The following GAS7 variants were observed in gnomAD, a reference collection of about 807,000 sequenced individuals.
The protein encoded by GAS7 is growth arrest specific 7.
GAS7 carries 28 observed loss-of-function variants against 71.1 expected under a neutral mutation model. The ratio of observed to expected loss-of-function variants is 0.39; its 90% confidence interval spans 0.29 to 0.54. The LOEUF is 0.54. Among genes scored for constraint, GAS7 ranks in the 20% least tolerant of loss-of-function variants. The pLI, the probability that GAS7 is intolerant of heterozygous loss-of-function variation, is 0.62. For missense variants in GAS7, 436 were observed against 627.8 expected (o/e 0.69, Z 3.27); for synonymous variants, 258 against 245.8 (o/e 1.05, Z -0.46).
At chr17:10,182,294 G>A (rs920597162) in intron 1 of GAS7, among the ~76,000 whole-genome samples, 2 of 151,864 alleles carry the variant, frequency 1.3e-5, no homozygotes, top group African/African-American at 2.4e-5. Flanking sequence ...CGAGTAGCTG[G>A]GATTACAGGC....
intron 4 of GAS7, among the ~76,000 whole-genome samples, chr17:9,960,111 C>T (rs1443531949): frequency 6.6e-6 from 1 of 152,158 alleles, no homozygotes; most frequent in African/African-American, 2.4e-5. Flanking sequence ...AGCCACACAG[C>T]AACCTGGGAA....
intron 4 of GAS7, among the ~76,000 whole-genome samples, chr17:9,966,772 T>C (rs538410553): frequency 1.7e-4 from 26 of 152,176 alleles, no homozygotes; most frequent in Non-Finnish European, 2.6e-4. Context: ...GGCGGGAGGA[T>C]TGTTTGAGCC....
intron 1 of GAS7, among the ~76,000 whole-genome samples, chr17:10,147,047 G>A (rs932819685): frequency 3.9e-5 from 6 of 152,058 alleles, no homozygotes; most frequent in Admixed American, 3.9e-4. Context: ...TACTCCTGTG[G>A]GCATTCGAAA....
At chr17:9,930,608 G>A (rs989464456) in intron 9 of GAS7, among the ~76,000 whole-genome samples, 1 of 152,172 alleles carries the variant, frequency 6.6e-6, no homozygotes, top group African/African-American at 2.4e-5. Context: ...ATTAGCAATG[G>A]CTTGAGCTAA....
intron 1 of GAS7, among the ~76,000 whole-genome samples, chr17:10,046,807 AG>A (rs2072971151): frequency 8.7e-6 from 1 of 114,588 alleles, no homozygotes; most frequent in Admixed American, 8.1e-5. Flanking sequence ...GAAGGAAGGA[AG>A]GAAGGAAGGA....
At chr17:10,005,215 G>GCA (rs1567880458) in intron 2 of GAS7, among the ~76,000 whole-genome samples, 37 of 124,906 alleles carry the variant, frequency 3.0e-4, no homozygotes, top group African/African-American at 1.6e-3. Flanking sequence ...GTGCATGTGC[G>GCA]CGTGTGCATG....
At chr17:9,975,127 G>A (rs1225513357) in intron 3 of GAS7, among the ~76,000 whole-genome samples, 1 of 152,216 alleles carries the variant, frequency 6.6e-6, no homozygotes, top group African/African-American at 2.4e-5. Context: ...GGCTGAGGAG[G>A]GCGGATCACT....
At chr17:10,130,770 T>C (rs1027496857) in intron 1 of GAS7, among the ~76,000 whole-genome samples, 1 of 152,214 alleles carries the variant, frequency 6.6e-6, no homozygotes, top group Non-Finnish European at 1.5e-5. Context: ...GCATATTATA[T>C]TGTTCTATTT....
Position 10,103,300 on chromosome 17 carries a change from T to C in GAS7, c.184-83403A>G, listed in dbSNP as rs193179576. Among the ~76,000 whole-genome samples the C allele has an allele frequency of 6.6e-6, 1 of 152,140 alleles. No homozygotes were observed. The highest frequency in any genetic ancestry group is 6.5e-5 in the Admixed American group (1 of 15,278). On this transcript the variant is annotated intron_variant, in intron 1 of 13. Coordinates refer to ENST00000432992, the MANE Select transcript of GAS7 (RefSeq NM_201433.2). This position sits in a 1 kb window ranked among gnomAD's most constrained non-coding sequence, Gnocchi z 5.5. ...TAGAGGCTGCAGTGAGAGCTGTGAC[T>C]GTAACACTGTACTCCATCCAGTCTG...
chr17:9,950,680 AC>A (rs1231190708), intron 5 of GAS7, among the ~76,000 whole-genome samples: 1 of 151,876 alleles, frequency 6.6e-6, no homozygotes, highest in African/African-American at 2.4e-5. Context: ...ACATAGTGAA[AC>A]CCTGTCTCTA....
intron 1 of GAS7, among the ~76,000 whole-genome samples, chr17:10,104,743 C>T (rs916871408): frequency 1.3e-5 from 2 of 152,162 alleles, no homozygotes; most frequent in African/African-American, 4.8e-5. Context: ...CATCCAATTC[C>T]TCTCACCTAT....
intron 1 of GAS7, among the ~76,000 whole-genome samples, chr17:10,169,911 G>A (rs759907070): frequency 1.1e-4 from 16 of 151,980 alleles, no homozygotes; most frequent in Admixed American, 3.3e-4. Flanking sequence ...TGCTGCTTCC[G>A]TTCCTCACCT....
chr17:10,098,156 T>C (rs2073662506), intron 1 of GAS7, among the ~76,000 whole-genome samples: 1 of 152,134 alleles, frequency 6.6e-6, no homozygotes. Flanking sequence ...ATGCCACCCT[T>C]TTCTTCTCTC....
At chr17:10,129,157 A>G (rs1344457745) in intron 1 of GAS7, among the ~76,000 whole-genome samples, 1 of 152,184 alleles carries the variant, frequency 6.6e-6, no homozygotes, top group East Asian at 1.9e-4. Context: ...ACAAACATAC[A>G]AAAGAATGAA....
At chr17:10,162,301 A>G (rs1035982991) in intron 1 of GAS7, among the ~76,000 whole-genome samples, 1 of 152,156 alleles carries the variant, frequency 6.6e-6, no homozygotes, top group African/African-American at 2.4e-5. Context: ...GGCTTATTTC[A>G]GGGGGAAAAA....
At chr17:10,196,808 C>T (rs1165095306) in intron 1 of GAS7, among the ~76,000 whole-genome samples, 4 of 152,220 alleles carry the variant, frequency 2.6e-5, no homozygotes, top group Admixed American at 2.6e-4. Context: ...AGGCCCCTTG[C>T]TTCTCATGTA....
At chr17:10,179,216 C>A (rs2074396173) in intron 1 of GAS7, among the ~76,000 whole-genome samples, 1 of 152,066 alleles carries the variant, frequency 6.6e-6, no homozygotes, top group Non-Finnish European at 1.5e-5. Flanking sequence ...GTAATCCCAA[C>A]TACTCTGGAG....
At chr17:10,106,499 G>A (rs1356063279) in intron 1 of GAS7, among the ~76,000 whole-genome samples, 1 of 152,206 alleles carries the variant, frequency 6.6e-6, no homozygotes, top group African/African-American at 2.4e-5. Flanking sequence ...CCAGGCTCAC[G>A]GAAGCAGGAT....
intron 5 of GAS7, among the ~76,000 whole-genome samples, chr17:9,950,389 G>A (rs2068956913): frequency 6.6e-6 from 1 of 152,080 alleles, no homozygotes; most frequent in Admixed American, 6.5e-5. Flanking sequence ...GCACACACTT[G>A]TAGTCCCAGC....
Sources: gnomAD v4.1 joint callset for allele counts (sites outside exome capture counted in the v4.1 genomes callset) on GRCh38, gnomAD v4.1.1 for gene constraint, Gnocchi (gnomAD v3.1) non-coding constraint, MANE v1.5 for transcripts, NCBI Gene and HGNC (gene_info 2026-07-23, HGNC 2026-07-21) for gene names.